Variants in ADAMTSL3 observed in about 807,000 individuals in gnomAD.
ADAMTSL3 encodes the protein ADAMTS like 3, also known as ADAMTS-like protein 3.
In ADAMTSL3, 128 loss-of-function variants were observed where a neutral mutation model predicts 201.7. The observed-to-expected ratio is 0.63, with a 90% CI of 0.55 to 0.73. The LOEUF (loss-of-function observed/expected upper bound fraction) is 0.73. Among genes scored for constraint, ADAMTSL3 ranks in the 30% least tolerant of loss-of-function variants. The probability of loss-of-function intolerance (pLI) is 0.00; values close to 1 mark genes in which losing one functional copy is unlikely to be tolerated. For missense variants in ADAMTSL3, 1,990 were observed against 2,119.6 expected (o/e 0.94, Z 1.20); for synonymous variants, 738 against 748.4 (o/e 0.99, Z 0.23).
At chr15:83,826,488 ATTTTTTATTTCT>A (rs1248986385) in intron 6 of ADAMTSL3, among the ~76,000 whole-genome samples, 3 of 149,722 alleles carry the variant, frequency 2.0e-5, no homozygotes, top group Non-Finnish European at 3.0e-5. Flanking sequence ...CACAGGTACA[ATTTTTTATTTCT>A]TTTTTTATAG....
chr15:83,704,269 C>G (rs2061817317), intron 2 of ADAMTSL3, 120 bp from the exon 3 acceptor site: 8 of 1,465,794 alleles, frequency 5.5e-6, no homozygotes, highest in Non-Finnish European at 7.4e-6. Context: ...GGTCACTTCC[C>G]TTTTTGTTTC....
intron 7 of ADAMTSL3, among the ~76,000 whole-genome samples, chr15:83,852,451 A>T (rs1256804115): frequency 6.6e-6 from 1 of 152,178 alleles, no homozygotes; most frequent in East Asian, 1.9e-4. Context: ...AGGACATTAC[A>T]TAATTTATTT....
At chr15:83,914,642 A>G (rs1269966738) in intron 16 of ADAMTSL3, among the ~76,000 whole-genome samples, 1 of 152,136 alleles carries the variant, frequency 6.6e-6, no homozygotes, top group Non-Finnish European at 1.5e-5. Flanking sequence ...TGGTTGCTAA[A>G]AGTCCATGCC....
chr15:83,858,937 C>A, intron 8 of ADAMTSL3, 97 bp downstream of exon 8: 2 of 1,046,926 alleles, frequency 1.9e-6, no homozygotes, highest in Middle Eastern at 2.4e-4. Context: ...AACCAACAAG[C>A]AAAAAAACTT....
At chr15:84,032,349 A>C (rs895959312) in intron 28 of ADAMTSL3, among the ~76,000 whole-genome samples, 5 of 152,214 alleles carry the variant, frequency 3.3e-5, no homozygotes, top group Non-Finnish European at 7.3e-5. Context: ...TTGAGCCTTC[A>C]GTAAGGTTTG....
rs540229287 is a variant in ADAMTSL3, at chr15:83,753,400, G to T, written c.190-20123G>T. ...GCATGCAGACCACCAACCAATCCCA[G>T]AAGGAGAGGTATGAGATAGAAACAA... On this transcript the variant is annotated intron_variant, in intron 3 of 29. Coordinates refer to ENST00000286744, the MANE Select transcript of ADAMTSL3 (RefSeq NM_207517.3). Among the ~76,000 whole-genome samples, 4 of 152,300 alleles carry T rather than the reference G, an allele frequency of 2.6e-5. No homozygotes were observed. The East Asian group carries it at 7.7e-4, about 29-fold the overall frequency.
At chr15:83,840,679 G>A (rs771584346) in intron 7 of ADAMTSL3, among the ~76,000 whole-genome samples, 19 of 152,164 alleles carry the variant, frequency 1.2e-4, no homozygotes, top group Non-Finnish European at 2.2e-4. Flanking sequence ...AGCTGTAAGG[G>A]CCTAGCTGAG....
At chr15:83,889,060 T>A (rs1048194009) in intron 10 of ADAMTSL3, among the ~76,000 whole-genome samples, 2 of 152,230 alleles carry the variant, frequency 1.3e-5, no homozygotes, top group Non-Finnish European at 2.9e-5. Context: ...GACAGGAAAC[T>A]TGGAATCAGA....
chr15:83,860,462 G>T (rs567222430), intron 8 of ADAMTSL3, among the ~76,000 whole-genome samples: 6 of 152,002 alleles, frequency 3.9e-5, no homozygotes, highest in African/African-American at 1.5e-4. Context: ...TTCACTCTGG[G>T]AATACACTGA....
intron 23 of ADAMTSL3, among the ~76,000 whole-genome samples, chr15:84,012,579 A>G (rs1032491926): frequency 1.3e-5 from 2 of 152,062 alleles, no homozygotes; most frequent in African/African-American, 4.8e-5. Context: ...TTCTCTTCTG[A>G]TTTTAGGGAC....
chr15:83,655,683 A>G (rs1476902460), intron 1 of ADAMTSL3, 46 bp from the exon 2 acceptor site: 6 of 1,417,644 alleles, frequency 4.2e-6, no homozygotes, highest in African/African-American at 1.4e-5. Context: ...GTTTACTGCC[A>G]TGGGGGCCAG....
chr15:84,000,588 G>A (rs1639728952), intron 23 of ADAMTSL3, among the ~76,000 whole-genome samples: 1 of 152,172 alleles, frequency 6.6e-6, no homozygotes, highest in Non-Finnish European at 1.5e-5. Flanking sequence ...TATAGACAAA[G>A]GAATTATGAT....
chr15:83,847,302 C>G (rs962366815), intron 7 of ADAMTSL3, among the ~76,000 whole-genome samples: 9 of 152,268 alleles, frequency 5.9e-5, no homozygotes, highest in African/African-American at 2.2e-4. Flanking sequence ...TTTCTCACCC[C>G]CATTTGCAAA....
chr15:83,935,083 T>C (rs1382313609), intron 17 of ADAMTSL3, among the ~76,000 whole-genome samples: 1 of 152,310 alleles, frequency 6.6e-6, no homozygotes, highest in African/African-American at 2.4e-5. Flanking sequence ...ACCTAATAGG[T>C]ACAATGTACA....
chr15:84,019,189 C>A (rs917177078), intron 25 of ADAMTSL3, among the ~76,000 whole-genome samples: 1 of 150,662 alleles, frequency 6.6e-6, no homozygotes, highest in African/African-American at 2.4e-5. Flanking sequence ...GAAATTAAAA[C>A]CTCAGTGACA....
intron 15 of ADAMTSL3, among the ~76,000 whole-genome samples, chr15:83,900,366 T>C (rs1300246126): frequency 6.6e-6 from 1 of 152,130 alleles, no homozygotes; most frequent in Admixed American, 6.5e-5. Context: ...CCAGTGGAAA[T>C]TAAGAATCAA....
intron 15 of ADAMTSL3, 140 bp from the exon 16 acceptor site, chr15:83,912,952 G>C (rs556030627): frequency 1.5e-4 from 127 of 851,566 alleles, no homozygotes; most frequent in Non-Finnish European, 2.1e-4. Context: ...ATCAACAAAA[G>C]TATAAAATTC....
intron 10 of ADAMTSL3, among the ~76,000 whole-genome samples, chr15:83,885,727 G>A (rs899025276): frequency 6.6e-6 from 1 of 151,762 alleles, no homozygotes; most frequent in Non-Finnish European, 1.5e-5. Context: ...TGTCTGCTTA[G>A]TTCAAGGTCT....
chr15:83,960,761 T>G (rs925740241), intron 19 of ADAMTSL3, among the ~76,000 whole-genome samples: 2 of 152,212 alleles, frequency 1.3e-5, no homozygotes, highest in African/African-American at 4.8e-5. Flanking sequence ...AATAAGAGAT[T>G]TGGTGACAGA....
Sources: gnomAD v4.1 joint callset for allele counts (sites outside exome capture counted in the v4.1 genomes callset) on GRCh38, gnomAD v4.1.1 for gene constraint, MANE v1.5 for transcripts, NCBI Gene and HGNC (gene_info 2026-07-23, HGNC 2026-07-21) for gene names.